The following JAZF1 variants were observed in gnomAD, a reference collection of about 807,000 sequenced individuals.
JAZF1 encodes the protein JAZF zinc finger 1.
In JAZF1, 8 loss-of-function variants were observed where a neutral mutation model predicts 26.4. The observed-to-expected ratio is 0.30, with a 90% CI of 0.18 to 0.55. The LOEUF (loss-of-function observed/expected upper bound fraction) is 0.55, where lower values mean the gene tolerates loss of function less well. Ranked by LOEUF, JAZF1 falls within the 20% of genes least tolerant of loss-of-function variation. JAZF1 has a pLI of 0.94. For synonymous variants in JAZF1, 126 were observed against 122.3 expected, an observed-to-expected ratio of 1.03 and a Z score of -0.20; for missense variants, 199 against 322.0, an observed-to-expected ratio of 0.62 and a Z score of 2.92.
At chr7:28,083,920 A>G (rs1452884015) in intron 1 of JAZF1, among the ~76,000 whole-genome samples, 2 of 152,060 alleles carry the variant, frequency 1.3e-5, no homozygotes, top group Non-Finnish European at 2.9e-5. Flanking sequence ...CCTAAGAATT[A>G]TTGGTATTGC....
intron 2 of JAZF1, among the ~76,000 whole-genome samples, chr7:27,929,237 T>A (rs1468576970): frequency 2.5e-5 from 3 of 117,912 alleles, no homozygotes; most frequent in African/African-American, 1.0e-4. Flanking sequence ...TGATTTAGGG[T>A]AGGGTGGCTC....
intron 1 of JAZF1, among the ~76,000 whole-genome samples, chr7:28,019,598 A>T (rs1303682088): frequency 6.6e-6 from 1 of 151,804 alleles, no homozygotes; most frequent in African/African-American, 2.4e-5. Context: ...ATTTATACTG[A>T]GCTGAATTTA....
chr7:27,928,137 A>G (rs955634606), intron 2 of JAZF1, among the ~76,000 whole-genome samples: 1 of 152,218 alleles, frequency 6.6e-6, no homozygotes, highest in Non-Finnish European at 1.5e-5. Flanking sequence ...TATTTTGAAC[A>G]GAGGGATTTA....
intron 2 of JAZF1, among the ~76,000 whole-genome samples, chr7:27,982,586 A>G (rs1339641983): frequency 6.6e-6 from 1 of 152,212 alleles, no homozygotes; most frequent in Non-Finnish European, 1.5e-5. Context: ...CCTGTCTGAC[A>G]GCTTTGAAGA....
chr7:27,967,734 TAA>T (rs1218055288), intron 2 of JAZF1, among the ~76,000 whole-genome samples: 5 of 152,180 alleles, frequency 3.3e-5, no homozygotes, highest in Admixed American at 1.3e-4. Flanking sequence ...GAAAAAGAGA[TAA>T]GATGGATCAA....
At chr7:27,916,020 A>G (rs1489285787) in intron 2 of JAZF1, among the ~76,000 whole-genome samples, 1 of 152,126 alleles carries the variant, frequency 6.6e-6, no homozygotes, top group African/African-American at 2.4e-5. Context: ...GTTCCTTCAA[A>G]GAATTTAAAT....
chr7:27,914,050 A>C (rs1259799506), intron 2 of JAZF1, among the ~76,000 whole-genome samples: 1 of 152,204 alleles, frequency 6.6e-6, no homozygotes, highest in Admixed American at 6.5e-5. Context: ...GAGGGGCGGG[A>C]GAACTGAGAG....
At chr7:27,862,114 G>A (rs1442912916) in intron 3 of JAZF1, among the ~76,000 whole-genome samples, 2 of 152,248 alleles carry the variant, frequency 1.3e-5, no homozygotes, top group Non-Finnish European at 2.9e-5. Context: ...CTCTCAGCCA[G>A]TTCTCCTGAC....
intron 1 of JAZF1, among the ~76,000 whole-genome samples, chr7:28,024,576 G>A (rs1169992754): frequency 1.3e-5 from 2 of 152,160 alleles, no homozygotes; most frequent in African/African-American, 2.4e-5. Flanking sequence ...GAGAACACTA[G>A]TTGGTGATAA....
intron 1 of JAZF1, among the ~76,000 whole-genome samples, chr7:28,099,959 G>T (rs1409835134): frequency 6.6e-6 from 1 of 152,224 alleles, no homozygotes; most frequent in Non-Finnish European, 1.5e-5. Context: ...ACTAAGAGAA[G>T]AGAGATGCAC....
chr7:27,902,714 T>C (rs563536356), intron 2 of JAZF1, among the ~76,000 whole-genome samples: 2 of 152,288 alleles, frequency 1.3e-5, no homozygotes, highest in African/African-American at 4.8e-5. Context: ...GGTTCCTGGT[T>C]CATAAAAGAA....
At chr7:28,114,304 C>T (rs1176703446) in intron 1 of JAZF1, among the ~76,000 whole-genome samples, 1 of 152,130 alleles carries the variant, frequency 6.6e-6, no homozygotes, top group East Asian at 1.9e-4. Flanking sequence ...GAGAATTCTG[C>T]TCTCTGAACA....
chr7:27,983,856 C>A (rs192376835), intron 2 of JAZF1, among the ~76,000 whole-genome samples: 1 of 152,282 alleles, frequency 6.6e-6, no homozygotes, highest in East Asian at 1.9e-4. Context: ...AAGTAAGCTT[C>A]ATAAGTGAAG....
intron 2 of JAZF1, among the ~76,000 whole-genome samples, chr7:27,960,361 C>T (rs917194860): frequency 3.3e-5 from 5 of 152,194 alleles, no homozygotes; most frequent in African/African-American, 9.7e-5. Context: ...AAGGGCACTA[C>T]GTTTATCTTG....
chr7:27,897,128 G>C (rs147849705), intron 2 of JAZF1, among the ~76,000 whole-genome samples: 30 of 152,094 alleles, frequency 2.0e-4, no homozygotes, highest in African/African-American at 6.5e-4. Context: ...TCATGGTGCT[G>C]AGCTTCTCAC....
chr7:27,988,754 A>C (rs1205932313), intron 2 of JAZF1, among the ~76,000 whole-genome samples: 1 of 152,136 alleles, frequency 6.6e-6, no homozygotes, highest in African/African-American at 2.4e-5. Context: ...TATTTCTGGT[A>C]GAATGTAAAA....
rs538432319 is a variant in JAZF1, at chr7:28,155,719, G to A, written c.115+24744C>T. ...TATCATACAAGAAATGACCCATGCA[G>A]AAGAGACCAAGAGAAACAACCACAT... On this transcript the variant is annotated intron_variant, in intron 1 of 4. Coordinates refer to ENST00000283928, the MANE Select transcript of JAZF1 (RefSeq NM_175061.4). Among the ~76,000 whole-genome samples, 250 of 152,292 alleles carry A rather than the reference G, an allele frequency of 1.6e-3. 1 individual carries two copies. The highest frequency in any genetic ancestry group is 5.8e-3 in the African/African-American group (241 of 41,564).
At chr7:27,880,747 C>T (rs1458394165) in intron 3 of JAZF1, among the ~76,000 whole-genome samples, 4 of 152,174 alleles carry the variant, frequency 2.6e-5, no homozygotes, top group African/African-American at 9.6e-5. Flanking sequence ...TCACTGCAGC[C>T]TCAATCTCCC....
chr7:28,041,330 A>G (rs1219178894), intron 1 of JAZF1, among the ~76,000 whole-genome samples: 1 of 152,160 alleles, frequency 6.6e-6, no homozygotes, highest in East Asian at 1.9e-4. Flanking sequence ...CCAAATGATT[A>G]TACCTCCTTG....
Sources: gnomAD v4.1 joint callset for allele counts (sites outside exome capture counted in the v4.1 genomes callset) on GRCh38, gnomAD v4.1.1 for gene constraint, MANE v1.5 for transcripts, NCBI Gene and HGNC (gene_info 2026-07-23, HGNC 2026-07-21) for gene names.